SGCE: variants seen among roughly 807,000 people sequenced by gnomAD.
SGCE encodes epsilon-sarcoglycan.
A neutral mutation model predicts 57.8 loss-of-function variants in SGCE; 26 were observed. That is an observed-to-expected ratio of 0.45 (90% CI 0.33 to 0.62). SGCE has a LOEUF of 0.62. SGCE is among the 20% of genes least tolerant of loss of function. SGCE has a pLI of 0.02. For synonymous variants in SGCE, 183 were observed against 189.5 expected (o/e 0.97, Z 0.28); for missense variants, 468 against 548.6 (o/e 0.85, Z 1.47).
intron 1 of SGCE, among the ~76,000 whole-genome samples, chr7:94,648,349 T>C (rs1254449247): frequency 9.4e-6 from 1 of 106,872 alleles, no homozygotes; most frequent in East Asian, 3.1e-4. Context: ...TACTCCAGCC[T>C]GGGCAACAAG....
At chr7:94,602,539 A>T (rs948196460) in intron 6 of SGCE, among the ~76,000 whole-genome samples, 1 of 152,130 alleles carries the variant, frequency 6.6e-6, no homozygotes, top group African/African-American at 2.4e-5. Context: ...TATATCTAAA[A>T]GATCACTAAA....
Position 94,585,475 on chromosome 7 carries a change from A to C in SGCE, c.*24T>G, listed in dbSNP as rs1319211468. 1 of 1,601,868 alleles carries C rather than the reference A, an allele frequency of 6.2e-7. No homozygotes were observed. On this transcript the variant is annotated 3_prime_UTR_variant, in exon 11 of 11. Coordinates refer to ENST00000648936, the MANE Select transcript of SGCE (RefSeq NM_003919.3). The stretch of plus-strand genomic sequence containing the variant: ...TGCTATATTGTCTGATTATAAATTC[A>C]TTGCTTCAGTCAGTTTTCTTTCTTC...
intron 5 of SGCE, among the ~76,000 whole-genome samples, chr7:94,616,172 CACTT>C (rs1213002652): frequency 1.3e-5 from 2 of 152,128 alleles, no homozygotes; most frequent in African/African-American, 2.4e-5. Context: ...TGGGGACTGA[CACTT>C]AATGACACTT....
chr7:94,634,034 ATC>A (rs1805156031), intron 1 of SGCE, among the ~76,000 whole-genome samples: 1 of 152,176 alleles, frequency 6.6e-6, no homozygotes, highest in African/African-American at 2.4e-5. Flanking sequence ...TCTTAAAGCC[ATC>A]TGTCTTCTGA....
intron 4 of SGCE, chr7:94,619,779 G>A (rs1802493479): frequency 1.3e-5 from 2 of 152,166 alleles, no homozygotes; most frequent in African/African-American, 4.8e-5. Context: ...GTGTGTAGCT[G>A]CTTGTGTTTT....
chr7:94,639,896 A>ATAGGGGTTAAGGAATACTAAG (rs1217372484), intron 1 of SGCE, among the ~76,000 whole-genome samples: 3 of 152,184 alleles, frequency 2.0e-5, no homozygotes, highest in Admixed American at 6.5e-5. Flanking sequence ...AATGACTAGC[A>ATAGGGGTTAAGGAATACTAAG]TAGGGGTTAA....
rs369609811 is a variant in SGCE, at chr7:94,601,069, A to G, written c.826-212T>C. 1.1e-4 allele frequency among the ~76,000 whole-genome samples: 17 copies of G among 152,310 alleles called. 2 individuals are homozygous for G. Among genetic ancestry groups the G allele is most frequent in the African/African-American group, 3.8e-4 (16 of 41,568 alleles). On this transcript the variant is annotated intron_variant, in intron 6 of 10. Transcript: ENST00000648936. ...AAGGCTTTACTTTGGTCTACTTTCT[A>G]TGTTCTTCCTAAAACATATATACAT...
chr7:94,587,785 C>G (rs1482841465), intron 10 of SGCE: 1 of 1,547,492 alleles, frequency 6.5e-7, no homozygotes, highest in Admixed American at 2.0e-5. Context: ...TGCCTCAAAT[C>G]TTTGAAAAGT....
At chr7:94,588,633 T>C in intron 10 of SGCE, 56 bp downstream of exon 10, 1 of 1,557,796 alleles carries the variant, frequency 6.4e-7, no homozygotes, top group Middle Eastern at 1.9e-4. Flanking sequence ...GCCATAATTA[T>C]CTTTTAATCT....
intron 1 of SGCE, chr7:94,639,328 A>C: frequency 6.8e-7 from 1 of 1,475,578 alleles, no homozygotes; most frequent in Middle Eastern, 1.7e-4. Flanking sequence ...TTAGATTTAC[A>C]ACCTAAACTC....
intron 1 of SGCE, among the ~76,000 whole-genome samples, chr7:94,638,660 T>C (rs1222495713): frequency 6.6e-6 from 1 of 151,834 alleles, no homozygotes; most frequent in African/African-American, 2.4e-5. Flanking sequence ...AAAAGAAATA[T>C]TAAGTGCAAG....
At chr7:94,596,832 A>AT (rs918713920) in intron 9 of SGCE, among the ~76,000 whole-genome samples, 2 of 151,976 alleles carry the variant, frequency 1.3e-5, no homozygotes, top group African/African-American at 4.8e-5. Flanking sequence ...TGATCATTCC[A>AT]TTTTTTTGAA....
intron 5 of SGCE, among the ~76,000 whole-genome samples, chr7:94,605,709 C>A (rs1430190691): frequency 6.6e-6 from 1 of 151,526 alleles, no homozygotes; most frequent in Non-Finnish European, 1.5e-5. Flanking sequence ...AGAAAACAAT[C>A]ATAAAAAATG....
At chr7:94,646,681 C>T (rs933445808) in intron 1 of SGCE, among the ~76,000 whole-genome samples, 36 of 151,916 alleles carry the variant, frequency 2.4e-4, no homozygotes, top group Non-Finnish European at 4.0e-4. Context: ...ATTAAAAAGC[C>T]AAGTGTATGA....
chr7:94,645,122 T>A (rs995764204), intron 1 of SGCE, among the ~76,000 whole-genome samples: 4 of 152,204 alleles, frequency 2.6e-5, no homozygotes, highest in Admixed American at 1.3e-4. Context: ...CGTGGTTGAC[T>A]GCAAAGTCTA....
At chr7:94,619,457 C>T (rs1425363090) in intron 4 of SGCE, 3 of 152,272 alleles carry the variant, frequency 2.0e-5, no homozygotes, top group Non-Finnish European at 2.9e-5. Context: ...GTGTTTTTTC[C>T]TCCTCAATGT....
chr7:94,624,093 G>C (rs1380861557), intron 3 of SGCE: 1 of 394,802 alleles, frequency 2.5e-6, no homozygotes, highest in Non-Finnish European at 4.5e-6. Context: ...ACAGGATATG[G>C]CTTCAAAACT....
chr7:94,655,900 G>T (rs1392362295), intron 1 of SGCE, 90 bp downstream of exon 1: 1 of 776,018 alleles, frequency 1.3e-6, no homozygotes, highest in Non-Finnish European at 2.2e-6. Context: ...TGCCCAAAGG[G>T]CGCGCTCAGG....
In SGCE at chr7:94,588,751, T is replaced by A; in HGVS notation, c.1254-19A>T. On this transcript the variant is annotated intron_variant, in intron 9 of 10. Coordinates refer to ENST00000648936, the MANE Select transcript of SGCE (RefSeq NM_003919.3). ...CAAGTTCCTAGAAATGATGAACATT[T>A]TTGAGTAAAACTGTTTGTTTACACA... 1 of 1,613,528 alleles carries A rather than the reference T, an allele frequency of 6.2e-7. No homozygotes were observed. The highest frequency in any genetic ancestry group is 8.5e-7 in the Non-Finnish European group (1 of 1,179,638).
Sources: allele counts gnomAD v4.1 joint callset (sites outside exome capture counted in the v4.1 genomes callset), GRCh38; gene constraint gnomAD v4.1.1; transcripts MANE v1.5; gene names NCBI Gene and HGNC (gene_info 2026-07-23, HGNC 2026-07-21).